FANK1: variants seen among roughly 807,000 people sequenced by gnomAD.
FANK1 encodes fibronectin type III and ankyrin repeat domains 1, also known as fibronectin type 3 and ankyrin repeat domains protein 1.
Under a neutral mutation model 45.3 loss-of-function variants are expected in FANK1, and 44 were observed. The observed-to-expected ratio is 0.97, with a 90% CI of 0.76 to 1.25. The LOEUF (loss-of-function observed/expected upper bound fraction) is 1.25. Ranked by LOEUF, FANK1 falls within the 50% of genes most tolerant of loss-of-function variation. The pLI is 0.00. For missense variants in FANK1, 391 were observed against 424.4 expected, an observed-to-expected ratio of 0.92 and a Z score of 0.69; for synonymous variants, 149 against 152.5, an observed-to-expected ratio of 0.98 and a Z score of 0.17.
chr10:125,997,350 T>C, intron 5 of FANK1, 70 bp from the exon 6 acceptor site: 1 of 1,261,556 alleles, frequency 7.9e-7, no homozygotes, highest in Non-Finnish European at 1.1e-6. Flanking sequence ...TACTCATTTT[T>C]ACTGGACTAT....
chr10:125,977,864 T>TA (rs1950952085), intron 1 of FANK1, among the ~76,000 whole-genome samples: 1 of 151,928 alleles, frequency 6.6e-6, no homozygotes, highest in African/African-American at 2.4e-5. Flanking sequence ...AAGGTACTCT[T>TA]AGAGTCTTTG....
intron 1 of FANK1, among the ~76,000 whole-genome samples, chr10:125,956,947 C>T (rs979278175): frequency 2.8e-4 from 43 of 152,188 alleles, no homozygotes; most frequent in African/African-American, 7.7e-4. Context: ...ATCACCCTCC[C>T]GGGTTCAAGC....
intron 3 of FANK1, 49 bp downstream of exon 3, chr10:125,988,724 T>C (rs772436835): frequency 6.2e-7 from 1 of 1,614,042 alleles, no homozygotes; most frequent in East Asian, 2.2e-5. Context: ...TCAATGGAGA[T>C]GACAAGCAAT....
chr10:125,979,996 C>T (rs1951096068), intron 1 of FANK1, among the ~76,000 whole-genome samples, 165 bp from the exon 2 acceptor site: 1 of 152,190 alleles, frequency 6.6e-6, no homozygotes. Flanking sequence ...AATTTTGTAT[C>T]TCTTTAGCTT....
intron 1 of FANK1, among the ~76,000 whole-genome samples, chr10:125,969,861 A>C (rs953961829): frequency 8.5e-5 from 13 of 152,206 alleles, no homozygotes; most frequent in Non-Finnish European, 7.3e-5. Context: ...GCATCTGTTT[A>C]ACAAAGCACA....
chr10:125,914,391 G>A (rs78594360), intron 1 of FANK1, among the ~76,000 whole-genome samples: 4 of 151,774 alleles, frequency 2.6e-5, no homozygotes, highest in East Asian at 1.9e-4. Flanking sequence ...GCCTGCTCAC[G>A]CTGTCACCAG....
chr10:125,954,900 A>G (rs1392730005), intron 1 of FANK1, among the ~76,000 whole-genome samples: 1 of 152,144 alleles, frequency 6.6e-6, no homozygotes, highest in African/African-American at 2.4e-5. Context: ...CAGCCTGGGC[A>G]ACAGAGTAAG....
rs754368788 is a variant in FANK1, at chr10:125,988,667, C to T, written c.308C>T (p.Ser103Phe). The T allele has an allele frequency of 3.1e-6, 5 of 1,614,188 alleles. No homozygotes were observed. In the South Asian group the frequency reaches 4.4e-5, roughly 14 times the overall value. The change falls in exon 3 of 11, where the codon TCT (serine) becomes TTT (phenylalanine). Residue 103 changes from serine to phenylalanine, a missense_variant. By Grantham distance (155) the Ser-to-Phe change is radical. Transcript: ENST00000368693. ...ECEYSPLVSV[S>F]TTREPISSEH... ...GAGTACAGCCCACTCGTCTCAGTGT[C>T]TACAACCAGTGAGTATTCAGACCGT...
chr10:125,904,640 T>A (rs1945329069), intron 1 of FANK1, among the ~76,000 whole-genome samples: 1 of 151,504 alleles, frequency 6.6e-6, no homozygotes, highest in African/African-American at 2.4e-5. Context: ...CCTCCCAAAG[T>A]GCTGGGATTA....
At chr10:125,911,810 G>C (rs1325921382) in intron 1 of FANK1, among the ~76,000 whole-genome samples, 2 of 152,290 alleles carry the variant, frequency 1.3e-5, no homozygotes, top group Middle Eastern at 3.4e-3. Context: ...AGCTCCTTCA[G>C]AGTTACGCCT....
At chr10:125,997,515 C>T in intron 6 of FANK1, 30 bp downstream of exon 6, 1 of 1,596,166 alleles carries the variant, frequency 6.3e-7, no homozygotes, top group Non-Finnish European at 8.6e-7. Flanking sequence ...TGAAATTGTG[C>T]TGATGTTCTC....
chr10:126,000,751 C>G (rs771553076), intron 6 of FANK1, among the ~76,000 whole-genome samples: 2 of 152,022 alleles, frequency 1.3e-5, no homozygotes, highest in African/African-American at 2.4e-5. Flanking sequence ...TAAGGACATT[C>G]CAGGGAAATA....
At chr10:125,943,100 C>T (rs1948559692) in intron 1 of FANK1, among the ~76,000 whole-genome samples, 1 of 152,156 alleles carries the variant, frequency 6.6e-6, no homozygotes, top group Admixed American at 6.5e-5. Context: ...GCGTGAGCCA[C>T]TGTGCCCAGA....
intron 1 of FANK1, among the ~76,000 whole-genome samples, chr10:125,925,182 A>G (rs1470907727): frequency 2.6e-5 from 4 of 152,270 alleles, no homozygotes; most frequent in Admixed American, 2.0e-4. Context: ...TGAGAGATAT[A>G]TTAAATATCC....
At chr10:125,965,516 C>G (rs1440228001) in intron 1 of FANK1, among the ~76,000 whole-genome samples, 1 of 152,194 alleles carries the variant, frequency 6.6e-6, no homozygotes, top group African/African-American at 2.4e-5. Context: ...GAGCTCCATA[C>G]CAGGCACAGC....
chr10:125,997,864 G>A (rs1952464570), intron 6 of FANK1, among the ~76,000 whole-genome samples: 1 of 152,238 alleles, frequency 6.6e-6, no homozygotes, highest in South Asian at 2.1e-4. Flanking sequence ...CTGCATTTCA[G>A]CCTCATTCAT....
intron 1 of FANK1, among the ~76,000 whole-genome samples, chr10:125,931,168 T>C (rs1947729787): frequency 6.6e-6 from 1 of 152,252 alleles, no homozygotes; most frequent in African/African-American, 2.4e-5. Context: ...ATTGTGCCGC[T>C]ATAAACATGC....
chr10:125,915,037 G>A (rs1008292560), intron 1 of FANK1, among the ~76,000 whole-genome samples: 5 of 152,274 alleles, frequency 3.3e-5, no homozygotes, highest in Admixed American at 2.6e-4. Flanking sequence ...GGTCAGTGAT[G>A]TGTATTAACC....
chr10:125,936,641 T>A (rs527307836), intron 1 of FANK1, among the ~76,000 whole-genome samples: 3 of 152,202 alleles, frequency 2.0e-5, no homozygotes, highest in African/African-American at 4.8e-5. Flanking sequence ...ACATTATGTT[T>A]GTAAGATTAA....
Sources: gnomAD v4.1 joint callset for allele counts (sites outside exome capture counted in the v4.1 genomes callset) on GRCh38, gnomAD v4.1.1 for gene constraint, MANE v1.5 for transcripts, NCBI Gene and HGNC (gene_info 2026-07-23, HGNC 2026-07-21) for gene names.